SMARCA2: variants seen among roughly 807,000 people sequenced by gnomAD.
SMARCA2 encodes the protein SWI/SNF related BAF chromatin remodeling complex subunit ATPase 2, also known as SWI/SNF-related matrix-associated actin-dependent regulator of chromatin subfamily A member 2.
Under a neutral mutation model 199.8 loss-of-function variants are expected in SMARCA2, and 61 were observed. That is an observed-to-expected ratio of 0.31 (90% CI 0.25 to 0.38). The LOEUF is 0.38. SMARCA2 is among the 10% of genes least tolerant of loss of function. SMARCA2 has a pLI of 1.00. For missense variants in SMARCA2, 1,344 were observed against 2,012.2 expected (o/e 0.67, Z 6.35); for synonymous variants, 935 against 732.0 (o/e 1.28, Z -4.48).
chr9:2,160,883 GA>G (rs376111026), intron 27 of SMARCA2: 19,849 of 249,524 alleles, frequency 0.08, 1 homozygote, highest in East Asian at 0.13. Flanking sequence ...GATTTACCAG[GA>G]AAAAAAAAAA....
chr9:2,125,141 A>C (rs1270384663), intron 27 of SMARCA2, among the ~76,000 whole-genome samples: 1 of 152,152 alleles, frequency 6.6e-6, no homozygotes, highest in African/African-American at 2.4e-5. Flanking sequence ...TTTACTCAGG[A>C]TGTTGTATGA....
chr9:2,034,539 A>C (rs966150525), intron 3 of SMARCA2, among the ~76,000 whole-genome samples: 1 of 152,238 alleles, frequency 6.6e-6, no homozygotes, highest in African/African-American at 2.4e-5. Flanking sequence ...GCACTAATTA[A>C]AATTAATATG....
intron 5 of SMARCA2, among the ~76,000 whole-genome samples, chr9:2,049,644 G>A (rs1266595574): frequency 1.3e-5 from 2 of 152,202 alleles, no homozygotes; most frequent in Non-Finnish European, 2.9e-5. Flanking sequence ...GCACAGTTTG[G>A]TGGTGACAGC....
intron 27 of SMARCA2, chr9:2,160,741 G>T: frequency 2.2e-6 from 1 of 450,398 alleles, no homozygotes; most frequent in Non-Finnish European, 4.0e-6. Context: ...TTGTGTGAGA[G>T]AGCAATCTCA....
chr9:2,040,097 T>A (rs1299470535), intron 4 of SMARCA2, 197 bp downstream of exon 4: 1 of 1,116,412 alleles, frequency 9.0e-7, no homozygotes, highest in African/African-American at 1.6e-5. Flanking sequence ...GGGCAGTGTT[T>A]CTTAACCTTA....
At position 2,086,634 on chromosome 9, in the gene SMARCA2, A is replaced by T. The variant is rs1306417957; in HGVS notation, c.2527-195A>T. Among the ~76,000 whole-genome samples the T allele has an allele frequency of 1.3e-5, 2 of 152,222 alleles. No homozygotes were observed. Among genetic ancestry groups the T allele is most frequent in the African/African-American group, 4.8e-5 (2 of 41,464 alleles). ...CTGTAAGGAACATTGTTCCTTTAAC[A>T]TTCTATTATTATAGGATGTCTTATG... On this transcript the variant is annotated intron_variant, in intron 17 of 33. Transcript: ENST00000349721. This position sits in a 1 kb window ranked among gnomAD's most constrained non-coding sequence, Gnocchi z 4.3.
chr9:2,187,773 C>T (rs1467651842), intron 32 of SMARCA2, among the ~76,000 whole-genome samples: 1 of 152,028 alleles, frequency 6.6e-6, no homozygotes, highest in African/African-American at 2.4e-5. Context: ...AAGTAAAGTA[C>T]TAAAACCTAT....
chr9:2,035,144 C>T (rs996516309), intron 3 of SMARCA2, among the ~76,000 whole-genome samples: 5 of 151,804 alleles, frequency 3.3e-5, no homozygotes, highest in African/African-American at 9.7e-5. Flanking sequence ...CGGGTTCAAG[C>T]GATTCTCCTG....
chr9:2,034,262 A>AC, intron 3 of SMARCA2, among the ~76,000 whole-genome samples: 1 of 152,040 alleles, frequency 6.6e-6, no homozygotes, highest in South Asian at 2.1e-4. Context: ...AAAAAAAAAA[A>AC]AAAACTATTT....
chr9:2,048,943 T>C (rs1303301982), intron 5 of SMARCA2, among the ~76,000 whole-genome samples: 1 of 152,182 alleles, frequency 6.6e-6, no homozygotes, highest in East Asian at 1.9e-4. Flanking sequence ...GCTAAAAGTA[T>C]TGGAAAAAGT....
At chr9:2,057,218 C>G (rs1402229724) in intron 7 of SMARCA2, among the ~76,000 whole-genome samples, 1 of 152,206 alleles carries the variant, frequency 6.6e-6, no homozygotes, top group Non-Finnish European at 1.5e-5. Context: ...TGGCTGGGCT[C>G]TGGTGAGGGT....
intron 27 of SMARCA2, among the ~76,000 whole-genome samples, chr9:2,132,778 T>C (rs10811515): frequency 0.33 from 49,769 of 152,056 alleles, 13,498 homozygotes; most frequent in African/African-American, 0.74. Flanking sequence ...TAATTAAGAG[T>C]GGTAACAGTT....
At chr9:2,055,474 G>A (rs1006959074) in intron 6 of SMARCA2, 1 of 152,212 alleles carries the variant, frequency 6.6e-6, no homozygotes, top group African/African-American at 2.4e-5. Context: ...GATAAGGAAC[G>A]TTTCATTGTT....
In SMARCA2 at chr9:2,104,922, G is replaced by A. The variant is rs1184418588; in HGVS notation, c.3292+753G>A. On this transcript the variant is annotated intron_variant, in intron 23 of 33. Transcript: ENST00000349721. This position sits in a 1 kb window ranked among gnomAD's most constrained non-coding sequence, Gnocchi z 4.0. ...CAAAGAGTGGTAAGTAGGAATAGAA[G>A]TTAATTTACAGTCAGGATGCTATTT... Among the ~76,000 whole-genome samples, 1 of 152,186 alleles carries A rather than the reference G, an allele frequency of 6.6e-6. No homozygotes were observed. Among genetic ancestry groups the A allele is most frequent in the Non-Finnish European group, 1.5e-5 (1 of 68,026 alleles).
intron 27 of SMARCA2, among the ~76,000 whole-genome samples, chr9:2,153,955 C>G (rs1243665236): frequency 2.0e-5 from 3 of 152,144 alleles, no homozygotes; most frequent in Non-Finnish European, 4.4e-5. Context: ...ATAACTTAGC[C>G]TTTTCCTGAT....
intron 2 of SMARCA2, among the ~76,000 whole-genome samples, chr9:2,031,968 A>G (rs1294598208): frequency 1.3e-5 from 2 of 152,132 alleles, no homozygotes; most frequent in African/African-American, 2.4e-5. Context: ...TATTATTACT[A>G]TTTAACAGAC....
intron 19 of SMARCA2, among the ~76,000 whole-genome samples, chr9:2,093,356 T>G (rs1428466804): frequency 6.6e-6 from 1 of 152,242 alleles, no homozygotes; most frequent in Non-Finnish European, 1.5e-5. Flanking sequence ...TTCACTGATA[T>G]TTAACATGCA....
chr9:2,190,284 C>G (rs941500700), intron 32 of SMARCA2, among the ~76,000 whole-genome samples: 2 of 152,060 alleles, frequency 1.3e-5, no homozygotes, highest in African/African-American at 4.8e-5. Flanking sequence ...CACCATACCT[C>G]CCTCAAATTC....
chr9:2,110,716 T>C lies in SMARCA2; in HGVS notation c.3456+299T>C, dbSNP rs1212651627. Among the ~76,000 whole-genome samples the C allele has an allele frequency of 6.6e-6, 1 of 152,238 alleles. No individual in the cohort carries two copies. Among genetic ancestry groups the C allele is most frequent in the Non-Finnish European group, 1.5e-5 (1 of 68,042 alleles). ...TATTTAATGAGGGATAAGTCAAAAATGTTGCAAAATCATAGCAGTAAGAAC... is the reference window on the plus strand; with the variant it reads ...TATTTAATGAGGGATAAGTCAAAAACGTTGCAAAATCATAGCAGTAAGAAC... On this transcript the variant is annotated intron_variant, in intron 24 of 33. Coordinates refer to ENST00000349721, the MANE Select transcript of SMARCA2 (RefSeq NM_003070.5). The surrounding 1 kb of genome is among the most constrained non-coding windows in gnomAD (Gnocchi z 4.8).
Sources: allele counts gnomAD v4.1 joint callset (sites outside exome capture counted in the v4.1 genomes callset), GRCh38; gene constraint gnomAD v4.1.1; non-coding constraint Gnocchi (gnomAD v3.1); transcripts MANE v1.5; gene names NCBI Gene and HGNC (gene_info 2026-07-23, HGNC 2026-07-21).